The following ASAP2 variants were observed in gnomAD, a reference collection of about 807,000 sequenced individuals.
ASAP2 encodes the protein ArfGAP with SH3 domain, ankyrin repeat and PH domain 2.
A neutral mutation model predicts 131.4 loss-of-function variants in ASAP2; 45 were observed. The observed-to-expected ratio is 0.34, with a 90% CI of 0.27 to 0.44. ASAP2 has a LOEUF of 0.44. ASAP2 is among the 20% of genes least tolerant of loss of function. The probability of loss-of-function intolerance (pLI) is 1.00; values close to 1 mark genes in which losing one functional copy is unlikely to be tolerated. For synonymous variants in ASAP2, 510 were observed against 503.0 expected, an observed-to-expected ratio of 1.01 and a Z score of -0.19; for missense variants, 1,011 against 1,297.0, an observed-to-expected ratio of 0.78 and a Z score of 3.39.
chr2:9,331,123 G>T (rs966053990), intron 7 of ASAP2, among the ~76,000 whole-genome samples: 5 of 152,212 alleles, frequency 3.3e-5, no homozygotes, highest in Admixed American at 6.5e-5. Context: ...GCACAGCTTT[G>T]CCTGCTGGGT....
chr2:9,207,140 C>G lies in ASAP2; in HGVS notation c.36C>G (p.Ala12=), dbSNP rs765661549. Reference sequence around the variant, plus strand: ...AGATCTCCGTGTCGGAATTCGTGGCCGAGACCCATGAGGACTACAAGGCGC... The same window carrying G: ...AGATCTCCGTGTCGGAATTCGTGGCGGAGACCCATGAGGACTACAAGGCGC... ...PDQISVSEFV[A]ETHEDYKAPT... is the part of the protein sequence containing the mutation. The change falls in exon 1 of 28, where the codon GCC becomes GCG. Residue 12 remains alanine (A), a synonymous_variant. Transcript: ENST00000281419. The surrounding 1 kb of genome is among the most constrained non-coding windows in gnomAD (Gnocchi z 4.1). 1.2e-5 allele frequency: 20 copies of G among 1,601,236 alleles called. No individual in the cohort carries two copies. Among genetic ancestry groups the G allele is most frequent in the Middle Eastern group, 1.7e-4 (1 of 6,042 alleles).
chr2:9,207,339 C>G lies in ASAP2; in HGVS notation c.126+109C>G, dbSNP rs952347292. On this transcript the variant is annotated intron_variant, in intron 1 of 27. Coordinates refer to ENST00000281419, the MANE Select transcript of ASAP2 (RefSeq NM_003887.3). This position sits in a 1 kb window ranked among gnomAD's most constrained non-coding sequence, Gnocchi z 4.1. ...AAACTTTCTTTGCTCCGAAGCCGGA[C>G]GCGGCCGGGCCAACCCTGCCCGAGA... The G allele has an allele frequency of 9.3e-5, 129 of 1,381,684 alleles. No individual in the cohort carries two copies. The highest frequency in any genetic ancestry group is 2.5e-4 in the Admixed American group (9 of 35,982). 85.6% of individuals were successfully genotyped at this position (1,381,684 alleles called of 1,614,324 possible). A position where few individuals can be genotyped will look rare whatever the true frequency, so the allele number is the denominator to read the frequency against.
intron 1 of ASAP2, among the ~76,000 whole-genome samples, chr2:9,224,236 T>C (rs1281127141): frequency 6.6e-6 from 1 of 152,168 alleles, no homozygotes; most frequent in African/African-American, 2.4e-5. Flanking sequence ...GCTTGACCTC[T>C]GAATACTCTG....
intron 3 of ASAP2, among the ~76,000 whole-genome samples, chr2:9,298,683 G>A (rs1668301359): frequency 6.6e-6 from 1 of 151,824 alleles, no homozygotes; most frequent in Admixed American, 6.6e-5. Flanking sequence ...TTTTAAACTG[G>A]AGAAACTGCA....
At chr2:9,375,334 C>T (rs2148717715) in intron 17 of ASAP2, among the ~76,000 whole-genome samples, 1 of 152,040 alleles carries the variant, frequency 6.6e-6, no homozygotes. Context: ...ATCAGCAGTA[C>T]TGACCAAAGC....
intron 1 of ASAP2, among the ~76,000 whole-genome samples, chr2:9,241,893 C>T (rs1383761792): frequency 6.6e-6 from 1 of 152,094 alleles, no homozygotes; most frequent in East Asian, 1.9e-4. Flanking sequence ...TACATGGTTG[C>T]ACATGTTAGG....
intron 1 of ASAP2, among the ~76,000 whole-genome samples, chr2:9,246,085 TG>T (rs1664317356): frequency 6.6e-6 from 1 of 152,182 alleles, no homozygotes; most frequent in Non-Finnish European, 1.5e-5. Flanking sequence ...AGCCCTGGTT[TG>T]GGAGTGTTGG....
chr2:9,255,939 CT>C (rs1225345758), intron 1 of ASAP2, among the ~76,000 whole-genome samples: 2 of 152,090 alleles, frequency 1.3e-5, no homozygotes, highest in African/African-American at 2.4e-5. Flanking sequence ...CATTGAGGGA[CT>C]TAAGAACTGG....
intron 17 of ASAP2, 74 bp from the exon 18 acceptor site, chr2:9,376,820 GGAAGAGTTGTACAC>G: frequency 8.5e-7 from 1 of 1,182,502 alleles, no homozygotes; most frequent in Non-Finnish European, 1.2e-6. Context: ...AAAGACTTTT[GGAAGAGTTGTACAC>G]GATTTCACCG....
chr2:9,384,043 C>T (rs970800780), intron 20 of ASAP2, among the ~76,000 whole-genome samples: 2 of 152,210 alleles, frequency 1.3e-5, no homozygotes, highest in Middle Eastern at 3.4e-3. Context: ...GGGATAGCAT[C>T]AGGAGATATA....
chr2:9,272,825 T>C (rs1396869505), intron 1 of ASAP2, among the ~76,000 whole-genome samples: 1 of 152,200 alleles, frequency 6.6e-6, no homozygotes, highest in African/African-American at 2.4e-5. Context: ...TTCCCCAGTG[T>C]ATGTTCTTGG....
chr2:9,372,933 C>A (rs1271676313), intron 16 of ASAP2, among the ~76,000 whole-genome samples: 1 of 152,118 alleles, frequency 6.6e-6, no homozygotes, highest in South Asian at 2.1e-4. Flanking sequence ...CAGACAGGGA[C>A]CCTGCCTGGG....
At chr2:9,226,118 G>A (rs761905470) in intron 1 of ASAP2, among the ~76,000 whole-genome samples, 3 of 152,236 alleles carry the variant, frequency 2.0e-5, no homozygotes, top group Non-Finnish European at 4.4e-5. Flanking sequence ...GCACGTAAGA[G>A]GGGCTCAGAA....
At chr2:9,381,948 C>T (rs562345287) in intron 20 of ASAP2, among the ~76,000 whole-genome samples, 1 of 149,218 alleles carries the variant, frequency 6.7e-6, no homozygotes, top group South Asian at 2.1e-4. Flanking sequence ...GGTCCTCTTT[C>T]TAAGCACTGT....
intron 2 of ASAP2, among the ~76,000 whole-genome samples, chr2:9,293,950 G>T (rs1395103470): frequency 6.6e-6 from 1 of 151,968 alleles, no homozygotes; most frequent in Non-Finnish European, 1.5e-5. Flanking sequence ...TCACCTTGGG[G>T]TTGCTGGGGA....
chr2:9,318,391 C>A, intron 3 of ASAP2, 133 bp from the exon 4 acceptor site: 1 of 667,872 alleles, frequency 1.5e-6, no homozygotes. Flanking sequence ...CTGAATAAGG[C>A]ACAGTACATG....
At chr2:9,388,040 G>A (rs755696385) in intron 21 of ASAP2, among the ~76,000 whole-genome samples, 6 of 152,198 alleles carry the variant, frequency 3.9e-5, no homozygotes, top group African/African-American at 9.7e-5. Context: ...ATTACAATTC[G>A]AGGTGAGATT....
intron 11 of ASAP2, among the ~76,000 whole-genome samples, chr2:9,345,873 T>C (rs1048045157): frequency 6.6e-6 from 1 of 152,042 alleles, no homozygotes; most frequent in Admixed American, 6.5e-5. Flanking sequence ...AGCCGAAGCA[T>C]GTCACAGCAG....
intron 1 of ASAP2, among the ~76,000 whole-genome samples, chr2:9,254,236 A>AATATATATATAT (rs34570938): frequency 4.2e-5 from 2 of 47,106 alleles, no homozygotes; most frequent in Admixed American, 6.7e-4. Flanking sequence ...AAAAAAAAAA[A>AATATATATATAT]ATATATATAT....
Sources: gnomAD v4.1 joint callset for allele counts (sites outside exome capture counted in the v4.1 genomes callset) on GRCh38, gnomAD v4.1.1 for gene constraint, Gnocchi (gnomAD v3.1) non-coding constraint, MANE v1.5 for transcripts, NCBI Gene and HGNC (gene_info 2026-07-23, HGNC 2026-07-21) for gene names.